ITSN2: variants seen among roughly 807,000 people sequenced by gnomAD.
ITSN2 encodes intersectin 2, also known as intersectin-2.
In ITSN2, 156 loss-of-function variants were observed where a neutral mutation model predicts 243.7. The ratio of observed to expected loss-of-function variants is 0.64; its 90% confidence interval spans 0.56 to 0.73. The LOEUF is 0.73. ITSN2 is among the 30% of genes least tolerant of loss of function. The pLI, the probability that ITSN2 is intolerant of heterozygous loss-of-function variation, is 0.00. For synonymous variants in ITSN2, 703 were observed against 699.9 expected (o/e 1.00, Z -0.07); for missense variants, 1,801 against 1,996.1 (o/e 0.90, Z 1.86).
chr2:24,272,243 TGAAATG>T (rs912977264), intron 18 of ITSN2, among the ~76,000 whole-genome samples: 1 of 152,108 alleles, frequency 6.6e-6, no homozygotes, highest in African/African-American at 2.4e-5. Context: ...AGAAAAAGGT[TGAAATG>T]GAACCATTCA....
chr2:24,209,859 A>G lies in ITSN2; in HGVS notation c.4432T>C (p.Phe1478Leu), dbSNP rs1669297442. Residue 1478 changes from phenylalanine to leucine, a missense_variant, in exon 35 of 40, where the codon TTC becomes CTC. This residue lies in a region of ITSN2 where 928 missense variants were observed against 1,065.4 expected (regional missense o/e 0.87). Coordinates refer to ENST00000355123, the MANE Select transcript of ITSN2 (RefSeq NM_006277.3). ...AATTGAGCATTGGACTTCGAGCTGAAAAGTTTCTCAGAGCCAGAGGAAACA... is the reference window on the plus strand; with the variant it reads ...AATTGAGCATTGGACTTCGAGCTGAGAAGTTTCTCAGAGCCAGAGGAAACA... ...FAVSSGSEKL[F>L]SSKSNAQFKM... is the part of the protein sequence containing the mutation. 1 of 1,614,090 alleles carries G rather than the reference A, an allele frequency of 6.2e-7. No individual in the cohort carries two copies. Among genetic ancestry groups the G allele is most frequent in the South Asian group, 1.1e-5 (1 of 91,090 alleles).
chr2:24,224,669 T>C (rs1462088950), intron 29 of ITSN2, among the ~76,000 whole-genome samples: 3 of 151,670 alleles, frequency 2.0e-5, no homozygotes, highest in African/African-American at 7.3e-5. Flanking sequence ...AGTCTCACTG[T>C]GTGGCCCAGG....
In ITSN2 at chr2:24,225,795, T is replaced by A. The variant is rs1670974937; in HGVS notation, c.3578-4729A>T. Among the ~76,000 whole-genome samples, 1 of 152,122 alleles carries A rather than the reference T, an allele frequency of 6.6e-6. No individual in the cohort carries two copies. Among genetic ancestry groups the A allele is most frequent in the Non-Finnish European group, 1.5e-5 (1 of 68,024 alleles). ...ACAGAAAAATTTGATGAGCTCAGGG[T>A]TCCCAACACGTATTTGACCACAGAA... On this transcript the variant is annotated intron_variant, in intron 29 of 39. Transcript: ENST00000355123. The surrounding 1 kb of genome is among the most constrained non-coding windows in gnomAD (Gnocchi z 4.2).
In ITSN2 at chr2:24,275,721, C is replaced by G; in HGVS notation, c.2073G>C (p.Glu691Asp). The G allele has an allele frequency of 6.2e-7, 1 of 1,608,584 alleles. No individual in the cohort carries two copies. The highest frequency in any genetic ancestry group is 8.5e-7 in the Non-Finnish European group (1 of 1,176,378). The change falls in exon 18 of 40, where the codon GAG becomes GAC. Residue 691 changes from glutamate to aspartate, a missense_variant. Physicochemically the swap from Glu to Asp is conservative, Grantham distance 45 (BLOSUM62 2). Transcript: ENST00000355123. The part of the protein sequence containing the change: ...ELMQKKKLED[E>D]AARKAKQGKE... ...TATATCAGCTATATTACCTTGCAGC[C>G]TCATCTTCTAGTTTCTTTTTCTGCA... is the stretch of plus-strand genomic sequence containing the variant.
At chr2:24,336,341 T>G (rs1686377774) in intron 1 of ITSN2, among the ~76,000 whole-genome samples, 1 of 152,156 alleles carries the variant, frequency 6.6e-6, no homozygotes, top group African/African-American at 2.4e-5. Flanking sequence ...TAAATGTTAT[T>G]GGCTTGAGAC....
At chr2:24,228,886 T>G (rs764336860) in intron 29 of ITSN2, among the ~76,000 whole-genome samples, 1 of 152,188 alleles carries the variant, frequency 6.6e-6, no homozygotes, top group Non-Finnish European at 1.5e-5. Flanking sequence ...AATCAGGTCA[T>G]AGAAGTGTTG....
rs1326462990 is a variant in ITSN2 at position 24,310,702 on chromosome 2, A to G, written c.353-10T>C. On this transcript the variant is annotated splice_polypyrimidine_tract_variant and intron_variant, in intron 5 of 39. Transcript: ENST00000355123. Reference sequence around the variant, plus strand: ...GGCATGCTTCCCATTCCTAAAGTCAAAAGAAAACATTTTTTCCAGTGCTAG... The same window carrying G: ...GGCATGCTTCCCATTCCTAAAGTCAGAAGAAAACATTTTTTCCAGTGCTAG... 23 of 1,611,732 alleles carry G rather than the reference A, an allele frequency of 1.4e-5. No individual in the cohort carries two copies. Among genetic ancestry groups the G allele is most frequent in the Non-Finnish European group, 2.0e-5 (23 of 1,178,290 alleles).
intron 29 of ITSN2, among the ~76,000 whole-genome samples, chr2:24,222,438 G>A (rs899936974): frequency 6.6e-6 from 1 of 151,884 alleles, no homozygotes; most frequent in Admixed American, 6.6e-5. Flanking sequence ...TAAAGGCCAT[G>A]GTGACCTGAC....
At chr2:24,216,267 G>A in intron 31 of ITSN2, 35 bp from the exon 32 acceptor site, 1 of 1,513,508 alleles carries the variant, frequency 6.6e-7, no homozygotes, top group African/African-American at 1.4e-5. Flanking sequence ...GTGTTTCTAA[G>A]TGAATGACTT....
At chr2:24,334,021 C>T (rs941581014) in intron 1 of ITSN2, among the ~76,000 whole-genome samples, 9 of 151,930 alleles carry the variant, frequency 5.9e-5, no homozygotes, top group African/African-American at 2.2e-4. Context: ...TCTTAAGTAG[C>T]GGGGACTACA....
In ITSN2 at chr2:24,251,447, A is replaced by ATGTGTATATATATG. The variant is rs1674200219; in HGVS notation, c.3120+897_3120+898insCATATATATACACA. Among the ~76,000 whole-genome samples the ATGTGTATATATATG allele has an allele frequency of 7.5e-4, 2 of 2,652 alleles. 1 individual carries two copies. Among genetic ancestry groups the ATGTGTATATATATG allele is most frequent in the African/African-American group, 3.0e-3 (2 of 674 alleles). 1.7% of individuals were successfully genotyped at this position (2,652 alleles called of 152,430 possible). On this transcript the variant is annotated intron_variant, in intron 25 of 39. Transcript: ENST00000355123. ...TGTGTATATATATGTGTGTATATAT[A>ATGTGTATATATATG]TGTGTATATATGTGTATATATATGT...
intron 25 of ITSN2, among the ~76,000 whole-genome samples, chr2:24,251,328 A>AAAAATAAAAAAAAAAATAT (rs1358585681): frequency 1.4e-4 from 1 of 6,980 alleles, no homozygotes; most frequent in African/African-American, 4.5e-4. Context: ...AAAAAAATAA[A>AAAAATAAAAAAAAAAATAT]ATATATATAT....
At chr2:24,316,430 G>A (rs1350227835) in intron 2 of ITSN2, among the ~76,000 whole-genome samples, 13 of 152,128 alleles carry the variant, frequency 8.5e-5, no homozygotes, top group African/African-American at 2.2e-4. Context: ...ACAGGCATGC[G>A]CCACCACACA....
chr2:24,249,919 C>T lies in ITSN2; in HGVS notation c.3121-1037G>A, dbSNP rs537384424. On this transcript the variant is annotated intron_variant, in intron 25 of 39. Coordinates refer to ENST00000355123, the MANE Select transcript of ITSN2 (RefSeq NM_006277.3). This position sits in a 1 kb window ranked among gnomAD's most constrained non-coding sequence, Gnocchi z 4.4. The stretch of plus-strand genomic sequence containing the variant: ...TTATTTGTCTTCTTCACTGTGTTGA[C>T]ATTTACAGTGGTGGGTAAAATCATT... Among the ~76,000 whole-genome samples the T allele has an allele frequency of 1.3e-5, 2 of 152,330 alleles. No individual in the cohort carries two copies. Among genetic ancestry groups the T allele is most frequent in the South Asian group, 4.1e-4 (2 of 4,822 alleles).
chr2:24,305,006 T>G (rs1426324957), intron 8 of ITSN2, among the ~76,000 whole-genome samples: 2 of 152,244 alleles, frequency 1.3e-5, no homozygotes, highest in African/African-American at 4.8e-5. Context: ...TCCTCTGAAA[T>G]CTGGCTCTAA....
At chr2:24,206,756 A>C (rs1386879596) in intron 37 of ITSN2, among the ~76,000 whole-genome samples, 1 of 152,122 alleles carries the variant, frequency 6.6e-6, no homozygotes, top group Admixed American at 6.5e-5. Context: ...AAGTGAGAAA[A>C]GCAGGGACTG....
chr2:24,333,163 T>C (rs1403512834), intron 1 of ITSN2, among the ~76,000 whole-genome samples: 1 of 152,228 alleles, frequency 6.6e-6, no homozygotes, highest in East Asian at 1.9e-4. Context: ...CTTAAGCCCA[T>C]GAACTTCCCA....
At chr2:24,321,392 G>A (rs1684563790) in intron 2 of ITSN2, among the ~76,000 whole-genome samples, 1 of 152,080 alleles carries the variant, frequency 6.6e-6, no homozygotes, top group African/African-American at 2.4e-5. Context: ...TTCCAGGAAC[G>A]TATATCATTG....
At chr2:24,283,878 C>T (rs927346287) in intron 17 of ITSN2, among the ~76,000 whole-genome samples, 3 of 152,168 alleles carry the variant, frequency 2.0e-5, no homozygotes, top group Admixed American at 6.5e-5. Flanking sequence ...CTATGCAATC[C>T]GTAGCAAAAG....
Sources: gnomAD v4.1 joint callset for allele counts (sites outside exome capture counted in the v4.1 genomes callset) on GRCh38, gnomAD v4.1.1 for gene constraint, gnomAD v4.1.1 regional missense constraint, Gnocchi (gnomAD v3.1) non-coding constraint, MANE v1.5 for transcripts, NCBI Gene and HGNC (gene_info 2026-07-23, HGNC 2026-07-21) for gene names.